ATL3: variants seen among roughly 807,000 people sequenced by gnomAD.
The protein encoded by ATL3 is atlastin-3.
Under a neutral mutation model 69.5 loss-of-function variants are expected in ATL3, and 49 were observed. The observed-to-expected ratio is 0.71, with a 90% CI of 0.56 to 0.89. ATL3 has a LOEUF of 0.89. Among genes scored for constraint, ATL3 ranks in the 40% least tolerant of loss-of-function variants. ATL3 has a pLI of 0.00. For missense variants in ATL3, 606 were observed against 645.7 expected (o/e 0.94, Z 0.67); for synonymous variants, 214 against 224.1 (o/e 0.95, Z 0.40).
intron 8 of ATL3, among the ~76,000 whole-genome samples, chr11:63,642,777 G>A (rs997034728): frequency 6.6e-6 from 1 of 152,170 alleles, no homozygotes; most frequent in African/African-American, 2.4e-5. Flanking sequence ...TGAGAGACTC[G>A]GATAAGCTTA....
chr11:63,666,296 C>T (rs1023498302), intron 1 of ATL3, among the ~76,000 whole-genome samples: 1 of 152,178 alleles, frequency 6.6e-6, no homozygotes, highest in Non-Finnish European at 1.5e-5. Context: ...GCCTCAGCCT[C>T]CCCAAGTACT....
At chr11:63,662,226 A>AAAAG (rs950565502) in intron 1 of ATL3, among the ~76,000 whole-genome samples, 55 of 151,736 alleles carry the variant, frequency 3.6e-4, no homozygotes, top group Admixed American at 2.4e-3. Context: ...AAAAAAAAAA[A>AAAAG]AAAGAAAGAA....
rs1398923947 is a variant in ATL3 at position 63,643,356 on chromosome 11, C to T, written c.850+1G>A. 2 of 1,604,382 alleles carry T rather than the reference C, an allele frequency of 1.2e-6. No homozygotes were observed. The highest frequency in any genetic ancestry group is 1.7e-6 in the Non-Finnish European group (2 of 1,176,210). On this transcript the variant is annotated splice_donor_variant, in intron 8 of 12. Coordinates refer to ENST00000398868, the MANE Select transcript of ATL3 (RefSeq NM_015459.5). LOFTEE classifies it high-confidence loss of function. ...GGTTTAAAATAACACCTGGAACACACCTTTTAATTTCCCATCAAAGTCAGG... is the reference window on the plus strand; with the variant it reads ...GGTTTAAAATAACACCTGGAACACATCTTTTAATTTCCCATCAAAGTCAGG...
At chr11:63,652,660 T>A (rs894719369) in intron 3 of ATL3, 85 bp from the exon 4 acceptor site, 1 of 896,346 alleles carries the variant, frequency 1.1e-6, no homozygotes, top group East Asian at 2.6e-5. Flanking sequence ...ACAGGTAATA[T>A]ATACTTAAGT....
Position 63,643,368 on chromosome 11 carries a change from C to T in ATL3, c.839G>A (p.Gly280Glu), listed in dbSNP as rs766748692. ...CACCTGGAACACACCTTTTAATTTC[C>T]CATCAAAGTCAGGGCTTGTGGCCAC... ...LQVATSPDFD[G>E]KLKDIAGEFK... is the part of the protein sequence containing the mutation. Residue 280 changes from glycine to glutamate, a missense_variant, in exon 8 of 13, where the codon GGG becomes GAG. Physicochemically the swap from Gly to Glu is moderately conservative, Grantham distance 98 (BLOSUM62 -2). Coordinates refer to ENST00000398868, the MANE Select transcript of ATL3 (RefSeq NM_015459.5). The T allele has an allele frequency of 1.2e-6, 2 of 1,604,470 alleles. No homozygotes were observed. The highest frequency in any genetic ancestry group is 1.7e-5 in the Admixed American group (1 of 58,064).
intron 3 of ATL3, 32 bp from the exon 4 acceptor site, chr11:63,652,607 TTAAAC>T (rs772198153): frequency 3.9e-5 from 58 of 1,500,278 alleles, no homozygotes; most frequent in Admixed American, 1.2e-4. Flanking sequence ...ACAAAAGAGA[TTAAAC>T]TAAGAAGGAG....
intron 1 of ATL3, among the ~76,000 whole-genome samples, chr11:63,660,867 T>G (rs1302193406): frequency 6.6e-6 from 1 of 152,006 alleles, no homozygotes; most frequent in Non-Finnish European, 1.5e-5. Context: ...TATATATATA[T>G]TATTTAATCC....
intron 5 of ATL3, among the ~76,000 whole-genome samples, chr11:63,647,279 C>T (rs141628732): frequency 0.012 from 1,812 of 152,324 alleles, 35 homozygotes; most frequent in African/African-American, 0.041. Flanking sequence ...TCGCAACCTC[C>T]GCCTCCCGGG....
chr11:63,632,844 GAACA>G (rs765267191), intron 11 of ATL3, 178 bp downstream of exon 11: 219 of 724,064 alleles, frequency 3.0e-4, no homozygotes, highest in East Asian at 4.7e-4. Context: ...AACAAAACAA[GAACA>G]AACAAACAAA....
chr11:63,670,701 T>G (rs1259986908), intron 1 of ATL3, among the ~76,000 whole-genome samples: 2 of 152,198 alleles, frequency 1.3e-5, no homozygotes, highest in Admixed American at 6.5e-5. Flanking sequence ...TAAGTATGGG[T>G]TGAAAACCAA....
chr11:63,671,848 ACCAGGCC>A, upstream of ATL3: 1 of 709,744 alleles, frequency 1.4e-6, no homozygotes, highest in Non-Finnish European at 1.9e-6. Context: ...TAACGTGCAG[ACCAGGCC>A]CCAGGCCGAG....
At chr11:63,633,488 C>T (rs569120842) in intron 10 of ATL3, among the ~76,000 whole-genome samples, 3 of 152,026 alleles carry the variant, frequency 2.0e-5, no homozygotes, top group South Asian at 2.1e-4. Flanking sequence ...ACACTACAAC[C>T]TTCGCCTCCT....
At chr11:63,647,225 T>C (rs1465127858) in intron 5 of ATL3, among the ~76,000 whole-genome samples, 1 of 152,230 alleles carries the variant, frequency 6.6e-6, no homozygotes, top group African/African-American at 2.4e-5. Flanking sequence ...GAGACAGAGT[T>C]GTGCTCTTGT....
chr11:63,662,851 A>T lies in ATL3; in HGVS notation c.47-3599T>A, dbSNP rs117442092. ...CTGACAGGCAGACATGGCCAAAATC[A>T]CAGCGACACAGTACCCAGCCAAGAA... On this transcript the variant is annotated intron_variant, in intron 1 of 12. Coordinates refer to ENST00000398868, the MANE Select transcript of ATL3 (RefSeq NM_015459.5). Among the ~76,000 whole-genome samples the T allele has an allele frequency of 1.1e-3, 170 of 152,328 alleles. 1 individual carries two copies. The East Asian group carries it at 0.029, about 26-fold the overall frequency.
At chr11:63,632,611 A>T in intron 11 of ATL3, 2 of 885,050 alleles carry the variant, frequency 2.3e-6, no homozygotes, top group Non-Finnish European at 3.9e-6. Context: ...GTTACTATGG[A>T]CCTATTCCAT....
chr11:63,671,888 G>T, upstream of ATL3: 1 of 364,934 alleles, frequency 2.7e-6, no homozygotes, highest in Non-Finnish European at 4.4e-6. Flanking sequence ...AACCACCAGT[G>T]TGAGAGACAG....
At chr11:63,644,761 G>C (rs183224202) in intron 6 of ATL3, among the ~76,000 whole-genome samples, 1 of 152,036 alleles carries the variant, frequency 6.6e-6, no homozygotes, top group Non-Finnish European at 1.5e-5. Context: ...CCAAATATGA[G>C]GTCAATATAT....
At chr11:63,632,542 G>C in intron 11 of ATL3, 1 of 852,632 alleles carries the variant, frequency 1.2e-6, no homozygotes, top group South Asian at 1.3e-5. Context: ...CTACAGTTAT[G>C]TCCCAGTGGG....
rs1939221149 is a variant in ATL3 at position 63,629,203 on chromosome 11, T to C, written c.*116A>G. On this transcript the variant is annotated 3_prime_UTR_variant, in exon 13 of 13. Transcript: ENST00000398868. ...ATTTATTACAGGGCCATGTTTTAGC[T>C]CTTCCTGGATCGTCTCAGATCTGCC... The C allele has an allele frequency of 1.3e-6, 1 of 759,606 alleles. No homozygotes were observed. The highest frequency in any genetic ancestry group is 2.4e-5 in the Admixed American group (1 of 42,214). 47.1% of individuals were successfully genotyped at this position (759,606 alleles called of 1,614,324 possible). A position where few individuals can be genotyped will look rare whatever the true frequency, so the allele number is the denominator to read the frequency against.
Sources: allele counts gnomAD v4.1 joint callset (sites outside exome capture counted in the v4.1 genomes callset), GRCh38; gene constraint gnomAD v4.1.1; transcripts MANE v1.5; gene names NCBI Gene and HGNC (gene_info 2026-07-23, HGNC 2026-07-21).